Variants in VOPP1 observed in about 807,000 individuals in gnomAD.
VOPP1 encodes the protein WW domain binding protein VOPP1.
In VOPP1, 8 loss-of-function variants were observed where a neutral mutation model predicts 23.5. The ratio of observed to expected loss-of-function variants is 0.34; its 90% CI spans 0.20 to 0.61. The LOEUF (loss-of-function observed/expected upper bound fraction) is 0.61. Ranked by LOEUF, VOPP1 falls within the 20% of genes least tolerant of loss-of-function variation. The probability of loss-of-function intolerance (pLI) is 0.78; values close to 1 mark genes in which losing one functional copy is unlikely to be tolerated. For missense variants in VOPP1, 174 were observed against 238.1 expected (o/e 0.73, Z 1.77); for synonymous variants, 83 against 97.3 (o/e 0.85, Z 0.86).
At chr7:55,524,587 G>A (rs889179710) in intron 1 of VOPP1, among the ~76,000 whole-genome samples, 20 of 152,200 alleles carry the variant, frequency 1.3e-4, no homozygotes, top group Admixed American at 2.6e-4. Context: ...TATGAAGAAT[G>A]CAAAGTCACA....
intron 4 of VOPP1, among the ~76,000 whole-genome samples, chr7:55,443,570 CCAAA>C (rs775289751): frequency 4.2e-4 from 64 of 151,800 alleles, no homozygotes; most frequent in Non-Finnish European, 6.9e-4. Context: ...CAAAACAAAA[CCAAA>C]CAAACAAACA....
chr7:55,517,457 C>A (rs1795537070), intron 2 of VOPP1, among the ~76,000 whole-genome samples: 1 of 152,070 alleles, frequency 6.6e-6, no homozygotes, highest in Non-Finnish European at 1.5e-5. Context: ...GGGACAGCAC[C>A]CTGCACACTG....
intron 2 of VOPP1, among the ~76,000 whole-genome samples, chr7:55,513,089 C>T (rs1332408072): frequency 1.3e-5 from 2 of 152,056 alleles, no homozygotes; most frequent in South Asian, 2.1e-4. Context: ...AGAAGCTTCA[C>T]GCTCCAACAG....
intron 1 of VOPP1, among the ~76,000 whole-genome samples, chr7:55,551,698 G>A (rs1376080215): frequency 6.6e-6 from 1 of 152,062 alleles, no homozygotes; most frequent in African/African-American, 2.4e-5. Flanking sequence ...TACACGCAGT[G>A]GGAGGGAAAG....
Position 55,492,363 on chromosome 7 carries a change from T to C in VOPP1, c.247A>G (p.Arg83Gly). The change falls in exon 4 of 5, where the codon AGG (arginine) becomes GGG (glycine). Residue 83 changes from arginine to glycine, a missense_variant. Physicochemically the swap from Arg to Gly is moderately radical, Grantham distance 125. Transcript: ENST00000285279. ...ATCAGCGGCGGGGGGTACATGCGCC[T>C]CCGGATGAAGAAGCCGGCTCCGCAG... is the stretch of plus-strand genomic sequence containing the variant. ...FCCGAGFFIR[R>G]RMYPPPLIEE... is the part of the protein sequence containing the mutation. 1 of 1,609,038 alleles carries C rather than the reference T, an allele frequency of 6.2e-7. No individual in the cohort carries two copies. The highest frequency in any genetic ancestry group is 8.5e-7 in the Non-Finnish European group (1 of 1,177,810).
chr7:55,505,403 G>A (rs368372957), intron 2 of VOPP1, among the ~76,000 whole-genome samples: 2 of 152,090 alleles, frequency 1.3e-5, no homozygotes, highest in Admixed American at 6.6e-5. Context: ...GTTGCACCAC[G>A]AAGTGAGTCC....
intron 4 of VOPP1, among the ~76,000 whole-genome samples, chr7:55,446,726 CT>C (rs1437719634): frequency 6.6e-6 from 1 of 152,176 alleles, no homozygotes; most frequent in Non-Finnish European, 1.5e-5. Context: ...GTTGGTACTA[CT>C]AACAATCATA....
At chr7:55,478,948 A>G (rs1282341660) in intron 4 of VOPP1, among the ~76,000 whole-genome samples, 1 of 151,948 alleles carries the variant, frequency 6.6e-6, no homozygotes, top group Admixed American at 6.6e-5. Context: ...TTGGAGGGGG[A>G]AGAGCTGAGG....
chr7:55,489,576 G>A (rs375662477), intron 4 of VOPP1, among the ~76,000 whole-genome samples: 8 of 152,182 alleles, frequency 5.3e-5, no homozygotes, highest in African/African-American at 1.9e-4. Flanking sequence ...TGCATGCAGC[G>A]GTGACTGAGG....
intron 1 of VOPP1, among the ~76,000 whole-genome samples, chr7:55,566,381 C>T (rs1584134738): frequency 6.6e-6 from 1 of 152,032 alleles, no homozygotes; most frequent in African/African-American, 2.4e-5. Flanking sequence ...GGTGAAACCC[C>T]GTCTCTACTA....
intron 2 of VOPP1, among the ~76,000 whole-genome samples, chr7:55,520,271 TATGC>T (rs1795753984): frequency 6.6e-6 from 1 of 152,196 alleles, no homozygotes; most frequent in South Asian, 2.1e-4. Context: ...CTACAATATA[TATGC>T]CTGAGGAATC....
intron 1 of VOPP1, among the ~76,000 whole-genome samples, chr7:55,525,257 G>A (rs879521932): frequency 1.8e-4 from 28 of 152,106 alleles, no homozygotes; most frequent in Non-Finnish European, 3.1e-4. Flanking sequence ...TTGGGAGGCC[G>A]AGGTGGGTGG....
intron 1 of VOPP1, among the ~76,000 whole-genome samples, chr7:55,553,088 A>G (rs1049511921): frequency 6.6e-6 from 1 of 152,254 alleles, no homozygotes; most frequent in African/African-American, 2.4e-5. Context: ...ATGACTGTCA[A>G]TCTTCCTAAA....
intron 4 of VOPP1, among the ~76,000 whole-genome samples, chr7:55,439,499 T>C (rs1403424025): frequency 6.6e-6 from 1 of 152,136 alleles, no homozygotes; most frequent in Non-Finnish European, 1.5e-5. Flanking sequence ...AAAAACTTTT[T>C]CAGAAAAATA....
intron 4 of VOPP1, among the ~76,000 whole-genome samples, chr7:55,465,292 A>T (rs1431112921): frequency 1.3e-5 from 2 of 152,180 alleles, no homozygotes; most frequent in African/African-American, 4.8e-5. Context: ...GTAGTGAGGG[A>T]AAAAAGAGGT....
At chr7:55,446,669 C>T (rs1562879230) in intron 4 of VOPP1, among the ~76,000 whole-genome samples, 1 of 152,190 alleles carries the variant, frequency 6.6e-6, no homozygotes, top group South Asian at 2.1e-4. Flanking sequence ...TTATCCCTGG[C>T]CAGACTCATA....
At chr7:55,545,485 A>C (rs1398016781) in intron 1 of VOPP1, among the ~76,000 whole-genome samples, 7 of 152,206 alleles carry the variant, frequency 4.6e-5, no homozygotes, top group Admixed American at 3.9e-4. Context: ...CGCAGCCAGG[A>C]GGGAAGAAGC....
At chr7:55,557,668 C>T (rs1387726134) in intron 1 of VOPP1, among the ~76,000 whole-genome samples, 1 of 152,198 alleles carries the variant, frequency 6.6e-6, no homozygotes, top group Non-Finnish European at 1.5e-5. Flanking sequence ...CCAAGTAACT[C>T]TGCCCAGCCA....
At chr7:55,541,480 T>C (rs1329570994) in intron 1 of VOPP1, among the ~76,000 whole-genome samples, 1 of 152,162 alleles carries the variant, frequency 6.6e-6, no homozygotes, top group Non-Finnish European at 1.5e-5. Flanking sequence ...TTGGCGAAAA[T>C]GTGGAACATT....
Sources: gnomAD v4.1 joint callset for allele counts (sites outside exome capture counted in the v4.1 genomes callset) on GRCh38, gnomAD v4.1.1 for gene constraint, MANE v1.5 for transcripts, NCBI Gene and HGNC (gene_info 2026-07-23, HGNC 2026-07-21) for gene names.